CNTNAP4: variants seen among roughly 807,000 people sequenced by gnomAD.
CNTNAP4 encodes contactin associated protein family member 4, also known as contactin-associated protein-like 4.
A neutral mutation model predicts 148.4 loss-of-function variants in CNTNAP4; 98 were observed. The ratio of observed to expected loss-of-function variants is 0.66; its 90% CI spans 0.56 to 0.78. The LOEUF (loss-of-function observed/expected upper bound fraction) is 0.78. CNTNAP4 is among the 30% of genes least tolerant of loss of function. CNTNAP4 has a pLI of 0.00. For missense variants in CNTNAP4, 1,935 were observed against 1,565.6 expected, an observed-to-expected ratio of 1.24 and a Z score of -3.98; for synonymous variants, 730 against 565.1, an observed-to-expected ratio of 1.29 and a Z score of -4.14.
At chr16:76,519,989 C>G (rs997625136) in intron 15 of CNTNAP4, among the ~76,000 whole-genome samples, 16 of 152,178 alleles carry the variant, frequency 1.1e-4, no homozygotes, top group African/African-American at 3.6e-4. Context: ...CTGTTCTCTG[C>G]TAACATAACA....
At chr16:76,522,647 T>TCC (rs1555591035) in intron 17 of CNTNAP4, among the ~76,000 whole-genome samples, 4,506 of 131,326 alleles carry the variant, frequency 0.034, 580 homozygotes, top group Middle Eastern at 0.055. Flanking sequence ...CTTTCTTTCT[T>TCC]TTCTCTCTTT....
At chr16:76,306,951 A>G (rs1960539661) in intron 1 of CNTNAP4, among the ~76,000 whole-genome samples, 1 of 152,208 alleles carries the variant, frequency 6.6e-6, no homozygotes, top group Non-Finnish European at 1.5e-5. Context: ...CCAGAGCAAG[A>G]ATTTGAGGAC....
At chr16:76,419,294 G>T (rs766473682) in intron 3 of CNTNAP4, among the ~76,000 whole-genome samples, 7 of 151,920 alleles carry the variant, frequency 4.6e-5, no homozygotes, top group East Asian at 1.9e-4. Flanking sequence ...CTGCCCCCCA[G>T]TTGGGAGAGG....
At chr16:76,366,504 T>C (rs2014152001) in intron 3 of CNTNAP4, among the ~76,000 whole-genome samples, 1 of 152,224 alleles carries the variant, frequency 6.6e-6, no homozygotes, top group Non-Finnish European at 1.5e-5. Context: ...ATGATGCATA[T>C]GTATCACATT....
rs1276016064 is a variant in CNTNAP4 at position 76,355,445 on chromosome 16, C to G, written c.324C>G (p.Ser108Arg). 8 of 1,613,144 alleles carry G rather than the reference C, an allele frequency of 5.0e-6. No homozygotes were observed. The highest frequency in any genetic ancestry group is 6.8e-6 in the Non-Finnish European group (8 of 1,179,562). The change falls in exon 3 of 24, where the codon AGC becomes AGG. Residue 108 changes from serine (S) to arginine (R), a missense_variant. Transcript: ENST00000611870. ...GGYGSSNWVT[S>R]YLLMFSDSGW... ...ATGGTAGCTCCAACTGGGTGACCAG[C>G]TACCTCCTGATGTTCAGTGATAGTG...
chr16:76,470,412 G>C (rs200780947), intron 10 of CNTNAP4, among the ~76,000 whole-genome samples: 4 of 149,498 alleles, frequency 2.7e-5, no homozygotes, highest in Non-Finnish European at 5.9e-5. Context: ...AGGCCAAGAC[G>C]GGTGGATCAC....
chr16:76,461,139 A>G (rs2080944790), intron 8 of CNTNAP4, among the ~76,000 whole-genome samples: 1 of 152,126 alleles, frequency 6.6e-6, no homozygotes, highest in Admixed American at 6.6e-5. Context: ...GCTCTTAGGA[A>G]TGCTAGACAA....
At chr16:76,548,531 T>C (rs976470794) in intron 21 of CNTNAP4, among the ~76,000 whole-genome samples, 1 of 151,954 alleles carries the variant, frequency 6.6e-6, no homozygotes, top group Non-Finnish European at 1.5e-5. Flanking sequence ...AGAAGGGCAC[T>C]TCACCAAATT....
At chr16:76,494,069 A>G (rs1056299598) in intron 13 of CNTNAP4, among the ~76,000 whole-genome samples, 4 of 121,798 alleles carry the variant, frequency 3.3e-5, no homozygotes, top group South Asian at 3.1e-4. Flanking sequence ...AGATGACTAC[A>G]ATTTTTCCTC....
chr16:76,526,352 C>G (rs2083730144), intron 17 of CNTNAP4, among the ~76,000 whole-genome samples: 1 of 152,042 alleles, frequency 6.6e-6, no homozygotes, highest in Non-Finnish European at 1.5e-5. Context: ...TATATCGGAC[C>G]TTGTAGGGCC....
intron 17 of CNTNAP4, among the ~76,000 whole-genome samples, chr16:76,529,843 C>CTGTGTGTGTGTGTG (rs35748962): frequency 1.1e-4 from 16 of 148,352 alleles, no homozygotes; most frequent in South Asian, 1.1e-3. Context: ...TGAATCTCAG[C>CTGTGTGTGTGTGTG]TGTGTGTGTG....
chr16:76,461,894 C>A (rs2080977230), intron 8 of CNTNAP4, 62 bp from the exon 9 acceptor site: 5 of 1,486,924 alleles, frequency 3.4e-6, no homozygotes, highest in Non-Finnish European at 4.7e-6. Context: ...ATTGCTGTTT[C>A]TAACCAACTC....
rs185776411 is a variant in CNTNAP4, at chr16:76,358,033, A to G, written c.390+2522A>G. Among the ~76,000 whole-genome samples, 42 of 152,236 alleles carry G rather than the reference A, an allele frequency of 2.8e-4. No individual in the cohort carries two copies. In the East Asian group the frequency reaches 6.6e-3, roughly 24 times the overall value. ...AATTTCTGGAAGGTATCAAAAGTTTATGTTAACTCACTGAAGAAGGCTGGG... is the reference window on the plus strand; with the variant it reads ...AATTTCTGGAAGGTATCAAAAGTTTGTGTTAACTCACTGAAGAAGGCTGGG... On this transcript the variant is annotated intron_variant, in intron 3 of 23. Transcript: ENST00000611870.
intron 3 of CNTNAP4, among the ~76,000 whole-genome samples, chr16:76,391,802 A>G (rs552892819): frequency 6.6e-6 from 1 of 152,176 alleles, no homozygotes; most frequent in Non-Finnish European, 1.5e-5. Context: ...ACTTGTTAGA[A>G]ATACAGGATC....
At chr16:76,482,415 A>T (rs1156624232) in intron 12 of CNTNAP4, among the ~76,000 whole-genome samples, 2 of 148,208 alleles carry the variant, frequency 1.3e-5, no homozygotes, top group Non-Finnish European at 3.0e-5. Context: ...GAAAGATCAT[A>T]AGCTCTGTTT....
intron 21 of CNTNAP4, among the ~76,000 whole-genome samples, chr16:76,551,364 C>A (rs2084944660): frequency 6.6e-6 from 1 of 150,718 alleles, no homozygotes; most frequent in South Asian, 2.1e-4. Context: ...TGCCACATCA[C>A]TCCAGCCTGG....
chr16:76,476,150 A>T (rs948683756), intron 11 of CNTNAP4, 105 bp downstream of exon 11: 3 of 709,778 alleles, frequency 4.2e-6, no homozygotes, highest in African/African-American at 3.5e-5. Context: ...CAAACTCAGC[A>T]TCCAGTGGTT....
Position 76,522,652 on chromosome 16 carries a change from C to CCTTCCT in CNTNAP4, c.2755+395_2755+396insCTTCCT, listed in dbSNP as rs1568496042. 6.9e-4 allele frequency among the ~76,000 whole-genome samples: 46 copies of CCTTCCT among 66,390 alleles called. 5 individuals are homozygous for CCTTCCT. The highest frequency in any genetic ancestry group is 1.3e-3 in the Admixed American group (8 of 6,066). 43.6% of individuals were successfully genotyped at this position (66,390 alleles called of 152,430 possible). On this transcript the variant is annotated intron_variant, in intron 17 of 23. Coordinates refer to ENST00000611870, the MANE Select transcript of CNTNAP4 (RefSeq NM_033401.5). ...TTCCTTCCTTCTTTCTTTCTTTTCTCTCTTTCTCTCTTTCCTTCTTTCTCT... is the reference window on the plus strand; with the variant it reads ...TTCCTTCCTTCTTTCTTTCTTTTCTCCTTCCTTCTTTCTCTCTTTCCTTCTTTCTCT...
At chr16:76,291,881 G>A (rs1479321342) in intron 1 of CNTNAP4, among the ~76,000 whole-genome samples, 3 of 152,302 alleles carry the variant, frequency 2.0e-5, no homozygotes, top group East Asian at 1.9e-4. Flanking sequence ...CACAGCATCT[G>A]TTCATGCCCA....
Sources: gnomAD v4.1 joint callset for allele counts (sites outside exome capture counted in the v4.1 genomes callset) on GRCh38, gnomAD v4.1.1 for gene constraint, MANE v1.5 for transcripts, NCBI Gene and HGNC (gene_info 2026-07-23, HGNC 2026-07-21) for gene names.